Variants in LIPA observed in about 807,000 individuals in gnomAD.
The protein encoded by LIPA is lysosomal acid lipase/cholesteryl ester hydrolase.
In LIPA, 26 loss-of-function variants were observed where a neutral mutation model predicts 40.6. That is an observed-to-expected ratio of 0.64 (90% CI 0.47 to 0.89). The LOEUF (loss-of-function observed/expected upper bound fraction) is 0.89. LIPA is among the 40% of genes least tolerant of loss of function. LIPA has a pLI of 0.00. For missense variants in LIPA, 455 were observed against 479.6 expected, an observed-to-expected ratio of 0.95 and a Z score of 0.48; for synonymous variants, 188 against 168.4, an observed-to-expected ratio of 1.12 and a Z score of -0.90.
At chr10:89,289,201 A>G (rs1194748824) in intron 1 of LIPA, among the ~76,000 whole-genome samples, 1 of 152,180 alleles carries the variant, frequency 6.6e-6, no homozygotes, top group Non-Finnish European at 1.5e-5. Flanking sequence ...CAAGGAAAAT[A>G]TCTCCTTCCA....
At chr10:89,306,744 C>T (rs202222227) in intron 1 of LIPA, 5 of 1,614,076 alleles carry the variant, frequency 3.1e-6, no homozygotes, top group Non-Finnish European at 4.2e-6. Context: ...AAAGATGAGC[C>T]AGACAAAGCG....
intron 8 of LIPA, 82 bp downstream of exon 8, chr10:89,222,429 T>C: frequency 1.1e-6 from 1 of 877,672 alleles, no homozygotes; most frequent in Non-Finnish European, 2.0e-6. Context: ...AGGTTGTCTT[T>C]CTATTTGGAA....
intron 5 of LIPA, among the ~76,000 whole-genome samples, chr10:89,226,666 C>A (rs1842773511): frequency 6.6e-6 from 1 of 152,202 alleles, no homozygotes; most frequent in African/African-American, 2.4e-5. Flanking sequence ...TCTAGGAAAA[C>A]ATGTAATATA....
chr10:89,328,345 T>A (rs1589602530), intron 1 of LIPA, among the ~76,000 whole-genome samples: 1 of 152,198 alleles, frequency 6.6e-6, no homozygotes, highest in Admixed American at 6.5e-5. Flanking sequence ...TCATGTTTCC[T>A]CCCTGTGTGC....
At chr10:89,355,743 G>A (rs971786405) in intron 2 of LIPA, among the ~76,000 whole-genome samples, 2 of 152,260 alleles carry the variant, frequency 1.3e-5, no homozygotes, top group Admixed American at 6.5e-5. Flanking sequence ...ATGACCTCTG[G>A]TCATCCTCAC....
intron 1 of LIPA, among the ~76,000 whole-genome samples, chr10:89,282,648 TAAAA>T: frequency 6.9e-6 from 1 of 145,510 alleles, no homozygotes; most frequent in South Asian, 2.2e-4. Context: ...CTCAAAAAAA[TAAAA>T]AAAAAAGAAA....
At chr10:89,358,057 T>A (rs1279626573) in intron 2 of LIPA, among the ~76,000 whole-genome samples, 1 of 152,168 alleles carries the variant, frequency 6.6e-6, no homozygotes, top group African/African-American at 2.4e-5. Context: ...GAGGACCCTA[T>A]TCTCAGATGC....
intron 1 of LIPA, among the ~76,000 whole-genome samples, chr10:89,267,724 T>A: frequency 2.6e-5 from 2 of 77,942 alleles, no homozygotes; most frequent in Non-Finnish European, 5.0e-5. Context: ...AAACTTAAAG[T>A]ATAATAAAAA....
chr10:89,249,880 G>A (rs1043733385), intron 1 of LIPA, among the ~76,000 whole-genome samples: 1 of 152,088 alleles, frequency 6.6e-6, no homozygotes, highest in African/African-American at 2.4e-5. Flanking sequence ...AATATGCCAT[G>A]CTATTGTATG....
Position 89,380,467 on chromosome 10 carries a change from C to G in LIPA, c.61+32324G>C, listed in dbSNP as rs57782005. ...TTTTTTTTTTTCCAGACAGGGCCTCCCTCTGTCACCCAGTCTGGAGTGCAG... is the reference window on the plus strand; with the variant it reads ...TTTTTTTTTTTCCAGACAGGGCCTCGCTCTGTCACCCAGTCTGGAGTGCAG... On this transcript the variant is annotated intron_variant, in intron 2 of 8. Coordinates refer to the LIPA transcript ENST00000371837. 6.7e-3 allele frequency among the ~76,000 whole-genome samples: 1,013 copies of G among 151,582 alleles called. 10 individuals are homozygous for G. The highest frequency in any genetic ancestry group is 0.024 in the African/African-American group (972 of 41,288).
chr10:89,402,658 T>C lies in LIPA; in HGVS notation c.61+10133A>G, dbSNP rs1269598808. The C allele has an allele frequency of 3.7e-6, 6 of 1,614,090 alleles. No homozygotes were observed. The Admixed American group carries it at 1.0e-4, about 27-fold the overall frequency. ...AAGGTGGAGAACATTTGCAAGAAGCTTTCAAATCCCTTCCGCTATAGAATG... is the reference window on the plus strand; with the variant it reads ...AAGGTGGAGAACATTTGCAAGAAGCCTTCAAATCCCTTCCGCTATAGAATG... On this transcript the variant is annotated intron_variant, in intron 2 of 8. Transcript: ENST00000371837.
intron 2 of LIPA, among the ~76,000 whole-genome samples, chr10:89,409,094 C>T (rs1841448458): frequency 6.6e-6 from 1 of 152,176 alleles, no homozygotes. Context: ...AAAATATGCT[C>T]CCCTGTCATC....
At chr10:89,403,096 T>TA (rs1318218502) in intron 2 of LIPA, 2 of 1,614,114 alleles carry the variant, frequency 1.2e-6, no homozygotes, top group Middle Eastern at 1.6e-4. Flanking sequence ...CTTGAGTTAT[T>TA]AAAAAAGGCC....
intron 7 of LIPA, among the ~76,000 whole-genome samples, chr10:89,223,013 C>G (rs1317614223): frequency 6.6e-6 from 1 of 151,794 alleles, no homozygotes; most frequent in Non-Finnish European, 1.5e-5. Context: ...TATTTAGAAA[C>G]ACGGGCATAG....
chr10:89,298,836 A>T (rs1460201838), intron 1 of LIPA, among the ~76,000 whole-genome samples: 1 of 151,928 alleles, frequency 6.6e-6, no homozygotes, highest in Non-Finnish European at 1.5e-5. Flanking sequence ...AAATACAAAA[A>T]TTAGCCAGGC....
intron 2 of LIPA, among the ~76,000 whole-genome samples, chr10:89,371,940 A>C (rs774774570): frequency 6.6e-6 from 1 of 152,152 alleles, no homozygotes; most frequent in African/African-American, 2.4e-5. Context: ...ATCCTAAGTC[A>C]ACTAACATGG....
intron 1 of LIPA, among the ~76,000 whole-genome samples, chr10:89,322,541 A>T (rs1253832732): frequency 6.6e-6 from 1 of 152,102 alleles, no homozygotes; most frequent in Non-Finnish European, 1.5e-5. Flanking sequence ...TGGAAATGGG[A>T]GAATGCCCCT....
At chr10:89,227,038 T>G in intron 4 of LIPA, 34 bp from the exon 5 acceptor site, 4 of 1,255,892 alleles carry the variant, frequency 3.2e-6, no homozygotes, top group Non-Finnish European at 4.7e-6. Flanking sequence ...TTCATTGAAA[T>G]AGTACATAAA....
chr10:89,239,289 G>T (rs1468041520), intron 3 of LIPA, among the ~76,000 whole-genome samples: 1 of 152,216 alleles, frequency 6.6e-6, no homozygotes, highest in Non-Finnish European at 1.5e-5. Flanking sequence ...AACAGTCACG[G>T]GCTGTGTGAC....
Sources: allele counts gnomAD v4.1 joint callset (sites outside exome capture counted in the v4.1 genomes callset), GRCh38; gene constraint gnomAD v4.1.1; transcripts MANE v1.5; gene names NCBI Gene and HGNC (gene_info 2026-07-23, HGNC 2026-07-21).